The following LIMCH1 variants were observed in gnomAD, a reference collection of about 807,000 sequenced individuals.
LIMCH1 encodes LIM and calponin homology domains-containing protein 1.
In LIMCH1, 113 loss-of-function variants were observed where a neutral mutation model predicts 176.5. The ratio of observed to expected loss-of-function variants is 0.64; its 90% CI spans 0.55 to 0.75. LIMCH1 has a LOEUF of 0.75. Ranked by LOEUF, LIMCH1 falls within the 30% of genes least tolerant of loss-of-function variation. The pLI, the probability that LIMCH1 is intolerant of heterozygous loss-of-function variation, is 0.00. For missense variants in LIMCH1, 1,674 were observed against 1,814.9 expected, an observed-to-expected ratio of 0.92 and a Z score of 1.41; for synonymous variants, 619 against 645.9, an observed-to-expected ratio of 0.96 and a Z score of 0.63.
intron 21 of LIMCH1, among the ~76,000 whole-genome samples, chr4:41,667,634 G>C (rs1438350953): frequency 1.3e-5 from 2 of 152,006 alleles, no homozygotes; most frequent in Non-Finnish European, 2.9e-5. Flanking sequence ...CCATATATAG[G>C]GTTGTGAATT....
intron 1 of LIMCH1, among the ~76,000 whole-genome samples, chr4:41,381,078 G>GGTA (rs1315514624): frequency 3.9e-5 from 6 of 152,296 alleles, no homozygotes; most frequent in African/African-American, 1.4e-4. Flanking sequence ...CTGTGTGCCA[G>GGTA]GTAGGTGCAT....
Position 41,662,990 on chromosome 4 carries a change from G to A in LIMCH1, c.3291+6G>A. ...AGTTGGTGCTGTCACAAAAGGTGAAGTGCAGAGTGGAGGAAAGCGGTTAAA... is the reference window on the plus strand; with the variant it reads ...AGTTGGTGCTGTCACAAAAGGTGAAATGCAGAGTGGAGGAAAGCGGTTAAA... On this transcript the variant is annotated splice_donor_region_variant and intron_variant, in intron 20 of 31. Transcript: ENST00000503057. 2 of 1,612,712 alleles carry A rather than the reference G, an allele frequency of 1.2e-6. No homozygotes were observed. Among genetic ancestry groups the A allele is most frequent in the Non-Finnish European group, 1.7e-6 (2 of 1,179,088 alleles).
intron 1 of LIMCH1, among the ~76,000 whole-genome samples, chr4:41,377,578 A>G (rs2054959228): frequency 6.6e-6 from 1 of 152,200 alleles, no homozygotes. Flanking sequence ...AGAGATGGGC[A>G]TTGGGTTCCT....
intron 1 of LIMCH1, among the ~76,000 whole-genome samples, chr4:41,388,659 T>C (rs2056817861): frequency 6.6e-6 from 1 of 152,084 alleles, no homozygotes; most frequent in South Asian, 2.1e-4. Context: ...TTTTTGTTTT[T>C]GAGACAGAGT....
rs183065105 is a variant in LIMCH1, at chr4:41,606,655, A to G, written c.9+651A>G. Among the ~76,000 whole-genome samples, 65 of 152,270 alleles carry G rather than the reference A, an allele frequency of 4.3e-4. 1 individual carries two copies. Among genetic ancestry groups the G allele is most frequent in the African/African-American group, 1.5e-3 (64 of 41,552 alleles). On this transcript the variant is annotated intron_variant, in intron 4 of 31. Transcript: ENST00000503057. ...AACAGTTGAATGTTTCATGTGTACT[A>G]CTTGCCTGAATGTTTCATCTGAAGG...
At chr4:41,468,638 A>G (rs2066511769) in intron 1 of LIMCH1, among the ~76,000 whole-genome samples, 1 of 151,988 alleles carries the variant, frequency 6.6e-6, no homozygotes, top group South Asian at 2.1e-4. Flanking sequence ...CCATTCTAAA[A>G]TGTAACACAT....
At chr4:41,419,680 CCT>C (rs2060402805) in intron 1 of LIMCH1, among the ~76,000 whole-genome samples, 1 of 61,324 alleles carries the variant, frequency 1.6e-5, no homozygotes, top group Non-Finnish European at 2.9e-5. Context: ...TTCCTTCCTT[CCT>C]CCTTCCTTCC....
At position 41,513,470 on chromosome 4, in the gene LIMCH1, C is replaced by T. The variant is rs538178717; in HGVS notation, c.168-10939C>T. Among the ~76,000 whole-genome samples the T allele has an allele frequency of 2.9e-4, 44 of 152,210 alleles. 1 individual carries two copies. The South Asian group carries it at 4.8e-3, about 17-fold the overall frequency. ...TTTCTCCTTGCCCCATTTGTGTATC[C>T]GGTGGTACATAAAAAAAGAAGGACC... On this transcript the variant is annotated intron_variant, in intron 2 of 26. Transcript: ENST00000313860.
chr4:41,529,398 CCT>C (rs1375291043), intron 3 of LIMCH1, among the ~76,000 whole-genome samples: 1 of 152,144 alleles, frequency 6.6e-6, no homozygotes, highest in African/African-American at 2.4e-5. Flanking sequence ...GGATTCTGCC[CCT>C]GAGTGCTGAA....
At chr4:41,384,261 GT>G (rs1415460412) in intron 1 of LIMCH1, among the ~76,000 whole-genome samples, 43 of 151,902 alleles carry the variant, frequency 2.8e-4, no homozygotes, top group Non-Finnish European at 5.3e-4. Flanking sequence ...CTGGAGTGCA[GT>G]GGTGCGATCT....
intron 1 of LIMCH1, among the ~76,000 whole-genome samples, chr4:41,451,650 C>G (rs1234145003): frequency 2.0e-5 from 3 of 152,176 alleles, no homozygotes; most frequent in African/African-American, 7.2e-5. Flanking sequence ...TCAAATCCTA[C>G]AGCTGAAAGC....
At chr4:41,528,403 AC>A (rs1344811717) in intron 3 of LIMCH1, among the ~76,000 whole-genome samples, 2 of 152,168 alleles carry the variant, frequency 1.3e-5, no homozygotes, top group African/African-American at 4.8e-5. Context: ...TTCAGGGGAG[AC>A]ATAGGAAACC....
intron 1 of LIMCH1, among the ~76,000 whole-genome samples, chr4:41,445,945 G>C (rs942656777): frequency 1.3e-5 from 2 of 152,190 alleles, no homozygotes; most frequent in African/African-American, 4.8e-5. Flanking sequence ...ATTTTCCTCT[G>C]TGAATGAGTT....
intron 1 of LIMCH1, among the ~76,000 whole-genome samples, chr4:41,558,402 A>G (rs558582572): frequency 7.2e-5 from 11 of 152,334 alleles, no homozygotes; most frequent in African/African-American, 2.4e-4. Flanking sequence ...CAAATTAGGC[A>G]GTAATGTCTG....
intron 1 of LIMCH1, among the ~76,000 whole-genome samples, chr4:41,452,251 T>G (rs1222574340): frequency 1.3e-5 from 2 of 152,254 alleles, no homozygotes; most frequent in Non-Finnish European, 2.9e-5. Context: ...CTGAGCTTCA[T>G]GTTTTTAACT....
At chr4:41,631,504 A>T in intron 10 of LIMCH1, 27 bp downstream of exon 10, 1 of 1,471,776 alleles carries the variant, frequency 6.8e-7, no homozygotes, top group South Asian at 1.4e-5. Context: ...GTGTGCAAGG[A>T]TATCTGCATG....
intron 1 of LIMCH1, among the ~76,000 whole-genome samples, chr4:41,472,654 A>T (rs754893794): frequency 2.0e-5 from 3 of 152,042 alleles, no homozygotes; most frequent in Non-Finnish European, 4.4e-5. Flanking sequence ...CCTGGGCTAA[A>T]GCGATCGCCC....
At chr4:41,676,726 A>G (rs2095231180) in intron 23 of LIMCH1, among the ~76,000 whole-genome samples, 1 of 152,222 alleles carries the variant, frequency 6.6e-6, no homozygotes, top group Non-Finnish European at 1.5e-5. Context: ...GATAAGGGCC[A>G]GTCTACCCAT....
chr4:41,632,898 A>G (rs1180904632), intron 11 of LIMCH1, 31 bp downstream of exon 11: 1 of 1,527,026 alleles, frequency 6.5e-7, no homozygotes, highest in Admixed American at 2.0e-5. Context: ...CCTTCCCGGG[A>G]GGTGAAGGAG....
Sources: allele counts gnomAD v4.1 joint callset (sites outside exome capture counted in the v4.1 genomes callset), GRCh38; gene constraint gnomAD v4.1.1; transcripts MANE v1.5; gene names NCBI Gene and HGNC (gene_info 2026-07-23, HGNC 2026-07-21).